The following EEF1AKMT2 variants were observed in gnomAD, a reference collection of about 807,000 sequenced individuals.
EEF1AKMT2 encodes the protein EEF1A lysine methyltransferase 2, also known as eukaryotic translation elongation factor 1 alpha lysine methyltransferase 2.
A neutral mutation model predicts 35.8 loss-of-function variants in EEF1AKMT2; 32 were observed. That is an observed-to-expected ratio of 0.89 (90% confidence interval 0.67 to 1.20). The LOEUF (loss-of-function observed/expected upper bound fraction) is 1.20. Among genes scored for constraint, EEF1AKMT2 ranks in the 50% most tolerant of loss-of-function variants. The probability of loss-of-function intolerance (pLI) is 0.00; values close to 1 mark genes in which losing one functional copy is unlikely to be tolerated. For missense variants in EEF1AKMT2, 330 were observed against 347.5 expected (o/e 0.95, Z 0.40); for synonymous variants, 121 against 133.7 (o/e 0.91, Z 0.65).
At chr10:124,770,861 T>G (rs1336070831) in intron 4 of EEF1AKMT2, among the ~76,000 whole-genome samples, 1 of 152,224 alleles carries the variant, frequency 6.6e-6, no homozygotes. Context: ...TCAAGTTTTA[T>G]CAAGAGACTG....
rs2134117186 is a variant in EEF1AKMT2 at position 124,759,686 on chromosome 10, C to G, written c.*817G>C. 6.6e-6 allele frequency: 1 copy of G among 152,308 alleles called. No individual in the cohort carries two copies. Among genetic ancestry groups the G allele is most frequent in the African/African-American group, 2.4e-5 (1 of 41,578 alleles). 9.4% of individuals were successfully genotyped at this position (152,308 alleles called of 1,614,324 possible). The stretch of plus-strand genomic sequence containing the variant: ...TTTTCCTTATACGTAGAAACAAGAA[C>G]AAGCAATACATACCTCAAGAAGACA... On this transcript the variant is annotated 3_prime_UTR_variant, in exon 7 of 7. Transcript: ENST00000368836.
At chr10:124,784,354 T>G (rs528359862) in intron 3 of EEF1AKMT2, among the ~76,000 whole-genome samples, 1 of 151,700 alleles carries the variant, frequency 6.6e-6, no homozygotes, top group South Asian at 2.1e-4. Flanking sequence ...TTAAAAAAAA[T>G]TAGAAAAATT....
Position 124,766,283 on chromosome 10 carries a change from C to A in EEF1AKMT2, c.400-675G>T, listed in dbSNP as rs968763698. On this transcript the variant is annotated intron_variant, in intron 4 of 6. Coordinates refer to ENST00000368836, the MANE Select transcript of EEF1AKMT2 (RefSeq NM_212554.4). ...TTCCTTCTCTATTATCACTGCTTCA[C>A]TTGACCAGCCTTTAAAAAAAAAAAA... is the stretch of plus-strand genomic sequence containing the variant. 2.0e-5 allele frequency: 3 copies of A among 151,912 alleles called. 1 individual carries two copies. The South Asian group carries it at 6.2e-4, about 31-fold the overall frequency. The allele number at this position is 151,912 out of a possible 1,614,324, so 9.4% of individuals were successfully genotyped here.
chr10:124,776,936 T>C (rs763790057), intron 3 of EEF1AKMT2, among the ~76,000 whole-genome samples: 1 of 152,004 alleles, frequency 6.6e-6, no homozygotes, highest in East Asian at 1.9e-4. Flanking sequence ...ATCCCTGTTA[T>C]ACACAGAATG....
chr10:124,778,215 T>C (rs533307181), intron 3 of EEF1AKMT2, among the ~76,000 whole-genome samples: 135 of 148,470 alleles, frequency 9.1e-4, no homozygotes, highest in African/African-American at 3.3e-3. Context: ...CACACACACA[T>C]ACATACACAC....
chr10:124,765,414 C>T lies in EEF1AKMT2; in HGVS notation c.594G>A (p.Glu198=). 3 of 1,613,950 alleles carry T rather than the reference C, an allele frequency of 1.9e-6. No homozygotes were observed. Among genetic ancestry groups the T allele is most frequent in the Non-Finnish European group, 2.5e-6 (3 of 1,179,928 alleles). The change falls in exon 5 of 7, where the codon GAG becomes GAA. Residue 198 remains glutamate, a synonymous_variant. Coordinates refer to ENST00000368836, the MANE Select transcript of EEF1AKMT2 (RefSeq NM_212554.4). ...TACCTTCACTGAATTCATTTAGCAA[C>T]TCTTCCTTGGTCCAATTACATGACG... is the stretch of plus-strand genomic sequence containing the variant. The part of the protein sequence containing the change: ...LITSCNWTKE[E]LLNEFSEGWS...
rs1950370589 is a variant in EEF1AKMT2, at chr10:124,765,435, T to C, written c.573A>G (p.Ser191=). 1 of 1,613,886 alleles carries C rather than the reference T, an allele frequency of 6.2e-7. No homozygotes were observed. The highest frequency in any genetic ancestry group is 2.2e-5 in the East Asian group (1 of 44,838). Residue 191 remains serine (S), a synonymous_variant, in exon 5 of 7, where the codon TCA becomes TCG. Transcript: ENST00000368836. ...LKVKGFFLIT[S]CNWTKEELLN... is the part of the protein sequence containing the mutation. ...GCAACTCTTCCTTGGTCCAATTACA[T>C]GACGTTATTAGAAAAAAGCCTTTTA...
At chr10:124,771,950 C>CT (rs1428093010) in intron 4 of EEF1AKMT2, among the ~76,000 whole-genome samples, 2 of 152,182 alleles carry the variant, frequency 1.3e-5, no homozygotes, top group South Asian at 2.1e-4. Flanking sequence ...AACAGTAATA[C>CT]TTTGAGTCTT....
intron 3 of EEF1AKMT2, among the ~76,000 whole-genome samples, chr10:124,786,387 T>C (rs1036526891): frequency 1.3e-5 from 2 of 151,790 alleles, no homozygotes; most frequent in Non-Finnish European, 2.9e-5. Flanking sequence ...GTGCCTGTAA[T>C]CCCAGCTACT....
Position 124,760,344 on chromosome 10 carries a change from C to G in EEF1AKMT2, c.*159G>C, listed in dbSNP as rs1950320237. On this transcript the variant is annotated 3_prime_UTR_variant, in exon 7 of 7. Coordinates refer to ENST00000368836, the MANE Select transcript of EEF1AKMT2 (RefSeq NM_212554.4). ...AAGCATTTATTTGCACAAGGATTTT[C>G]TGTGTCAGGTTAACTTTGCTGTGTA... The G allele has an allele frequency of 2.8e-6, 3 of 1,079,632 alleles. No homozygotes were observed. Among genetic ancestry groups the G allele is most frequent in the South Asian group, 1.4e-5 (1 of 71,642 alleles). 66.9% of individuals were successfully genotyped at this position (1,079,632 alleles called of 1,614,324 possible).
At position 124,791,777 on chromosome 10, in the gene EEF1AKMT2, C is replaced by T. The variant is rs1950637811; in HGVS notation, c.57G>A (p.Lys19=). Reference sequence around the variant, plus strand: ...CGAAACCGTCCTCCCCGGGACTGCCCTTGTCCGACCGCGCCGCCACCGCAG... The same window carrying T: ...CGAAACCGTCCTCCCCGGGACTGCCTTTGTCCGACCGCGCCGCCACCGCAG... The part of the protein sequence containing the change: ...GGAAVAARSD[K]GSPGEDGFVP... Residue 19 remains lysine (K), a synonymous_variant, in exon 1 of 7, where the codon AAG becomes AAA. Transcript: ENST00000368836. The T allele has an allele frequency of 4.4e-6, 7 of 1,594,724 alleles. No individual in the cohort carries two copies. Among genetic ancestry groups the T allele is most frequent in the Non-Finnish European group, 6.0e-6 (7 of 1,174,966 alleles).
intron 3 of EEF1AKMT2, among the ~76,000 whole-genome samples, chr10:124,788,710 T>TTTTTTATATATATATATATATATATATA (rs1414544581): frequency 3.2e-5 from 3 of 92,506 alleles, no homozygotes; most frequent in African/African-American, 1.0e-4. Flanking sequence ...AAGGTCATCT[T>TTTTTTATATATATATATATATATATATA]TATATATATA....
chr10:124,783,910 C>T (rs543117033), intron 3 of EEF1AKMT2, among the ~76,000 whole-genome samples: 27 of 152,256 alleles, frequency 1.8e-4, no homozygotes, highest in South Asian at 2.1e-4. Context: ...CCGCAACCTC[C>T]GCCTCCCAGG....
downstream of EEF1AKMT2, among the ~76,000 whole-genome samples, chr10:124,757,574 T>C (rs1359512037): frequency 2.0e-5 from 3 of 152,214 alleles, no homozygotes; most frequent in Admixed American, 6.5e-5. Context: ...GTTTCTATTA[T>C]ACTCTGGATA....
chr10:124,762,192 G>T, intron 6 of EEF1AKMT2, 108 bp downstream of exon 6: 1 of 860,216 alleles, frequency 1.2e-6, no homozygotes, highest in Non-Finnish European at 1.5e-6. Flanking sequence ...AATTCACTGT[G>T]ATTTTGTAAA....
chr10:124,790,371 T>A, intron 1 of EEF1AKMT2, 33 bp from the exon 2 acceptor site: 1 of 1,466,860 alleles, frequency 6.8e-7, no homozygotes, highest in Non-Finnish European at 9.6e-7. Context: ...AGCAAGACTC[T>A]TGAATTAAAC....
chr10:124,765,468 C>T lies in EEF1AKMT2; in HGVS notation c.540G>A (p.Val180=). The change falls in exon 5 of 7, where the codon GTG becomes GTA. Residue 180 remains valine (V), a synonymous_variant. Transcript: ENST00000368836. ...RKQYVKSLSR[V]LKVKGFFLIT... ...TTAGAAAAAAGCCTTTTACTTTCAA[C>T]ACCCTGGAGAGAGATTTCACATATT... The T allele has an allele frequency of 6.2e-7, 1 of 1,614,038 alleles. No individual in the cohort carries two copies. Among genetic ancestry groups the T allele is most frequent in the Non-Finnish European group, 8.5e-7 (1 of 1,179,982 alleles).
At chr10:124,788,209 A>G (rs1012410884) in intron 3 of EEF1AKMT2, among the ~76,000 whole-genome samples, 20 of 152,106 alleles carry the variant, frequency 1.3e-4, no homozygotes, top group African/African-American at 4.6e-4. Flanking sequence ...CCACTAGGTC[A>G]CCAAACTGTC....
chr10:124,791,698 C>A (rs1464080223), intron 1 of EEF1AKMT2, 26 bp downstream of exon 1: 3 of 1,560,056 alleles, frequency 1.9e-6, no homozygotes, highest in Non-Finnish European at 2.6e-6. Context: ...CACGGCTCAT[C>A]CTCCCCTGCC....
Sources: gnomAD v4.1 joint callset for allele counts (sites outside exome capture counted in the v4.1 genomes callset) on GRCh38, gnomAD v4.1.1 for gene constraint, MANE v1.5 for transcripts, NCBI Gene and HGNC (gene_info 2026-07-23, HGNC 2026-07-21) for gene names.